HIF3A: variants seen among roughly 807,000 people sequenced by gnomAD.
HIF3A encodes the protein hypoxia-inducible factor 3-alpha.
Under a neutral mutation model 67.2 loss-of-function variants are expected in HIF3A, and 41 were observed. The ratio of observed to expected loss-of-function variants is 0.61; its 90% CI spans 0.48 to 0.79. The LOEUF (loss-of-function observed/expected upper bound fraction) is 0.79, where lower values mean the gene tolerates loss of function less well. Among genes scored for constraint, HIF3A ranks in the 30% least tolerant of loss-of-function variants. The pLI is 0.00. For missense variants in HIF3A, 855 were observed against 898.0 expected, an observed-to-expected ratio of 0.95 and a Z score of 0.61; for synonymous variants, 356 against 374.8, an observed-to-expected ratio of 0.95 and a Z score of 0.58.
chr19:46,338,124 T>G (rs1971759901), intron 14 of HIF3A: 1 of 447,706 alleles, frequency 2.2e-6, no homozygotes, highest in African/African-American at 2.0e-5. Context: ...GCAGGGAGAT[T>G]CATCCATCCT....
intron 5 of HIF3A, 96 bp from the exon 6 acceptor site, chr19:46,309,055 A>G: frequency 9.6e-7 from 1 of 1,041,766 alleles, no homozygotes; most frequent in Non-Finnish European, 1.4e-6. Flanking sequence ...TTGGAATCTC[A>G]GCTCCCTGAT....
intron 14 of HIF3A, among the ~76,000 whole-genome samples, chr19:46,338,040 G>T (rs1405462087): frequency 6.6e-6 from 1 of 152,210 alleles, no homozygotes; most frequent in African/African-American, 2.4e-5. Flanking sequence ...CTCGCACTGT[G>T]CCTAGCTTTG....
At position 46,312,063 on chromosome 19, in the gene HIF3A, T is replaced by C. The variant is rs376921977; in HGVS notation, c.771-98T>C. 83 of 870,446 alleles carry C rather than the reference T, an allele frequency of 9.5e-5. No individual in the cohort carries two copies. The African/African-American group carries it at 1.3e-3, about 13-fold the overall frequency. The allele number at this position is 870,446 out of a possible 1,614,324, so 53.9% of individuals were successfully genotyped here. On this transcript the variant is annotated intron_variant, in intron 6 of 14. Transcript: ENST00000377670. ...GTTACAATCCTTCTCGACATCTTGC[T>C]GGCTTTGTTCCTGTGTCCTCTGCTG...
chr19:46,329,976 AG>A (rs1413942252), intron 12 of HIF3A, among the ~76,000 whole-genome samples: 69 of 136,454 alleles, frequency 5.1e-4, no homozygotes, highest in African/African-American at 1.7e-3. Context: ...AAAAAAAAAA[AG>A]ATAGAGAGAG....
chr19:46,320,620 C>T (rs1970292304), intron 9 of HIF3A, 59 bp downstream of exon 9: 1 of 1,328,390 alleles, frequency 7.5e-7, no homozygotes, highest in Non-Finnish European at 1.1e-6. Context: ...GGGAGAAAGC[C>T]CAAGCACCTT....
At position 46,297,798 on chromosome 19, in the gene HIF3A, C is replaced by A. The variant is rs1490031076; in HGVS notation, c.26+696C>A. 6.6e-6 allele frequency among the ~76,000 whole-genome samples: 1 copy of A among 152,128 alleles called. No homozygotes were observed. The highest frequency in any genetic ancestry group is 1.5e-5 in the Non-Finnish European group (1 of 68,000). ...ATAACAGGGAAACAAGCTGGACCCA[C>A]TTCCCAAAGTCCAGCCCCTCATCTC... On this transcript the variant is annotated intron_variant, in intron 1 of 14. Coordinates refer to ENST00000377670, the MANE Select transcript of HIF3A (RefSeq NM_152795.4). The surrounding 1 kb of genome is among the most constrained non-coding windows in gnomAD (Gnocchi z 4.5).
intron 4 of HIF3A, 37 bp downstream of exon 4, chr19:46,308,342 A>G: frequency 7.4e-7 from 1 of 1,344,334 alleles, no homozygotes; most frequent in Non-Finnish European, 1.0e-6. Flanking sequence ...CACCATACAG[A>G]GGAGGAAGCT....
At chr19:46,322,083 G>C (rs1970413578) in intron 10 of HIF3A, 117 bp downstream of exon 10, 2 of 1,035,040 alleles carry the variant, frequency 1.9e-6, no homozygotes, top group South Asian at 1.7e-5. Flanking sequence ...TCTGTGTAGT[G>C]GGGAGGTTGG....
intron 12 of HIF3A, among the ~76,000 whole-genome samples, chr19:46,329,830 G>A (rs1459798244): frequency 1.3e-5 from 2 of 151,934 alleles, no homozygotes; most frequent in Non-Finnish European, 2.9e-5. Flanking sequence ...GTGTGGTGGT[G>A]CATGCCTGTA....
chr19:46,314,434 G>C (rs2311057), intron 8 of HIF3A, among the ~76,000 whole-genome samples: 124,589 of 146,148 alleles, frequency 0.85, 55,251 homozygotes, highest in Non-Finnish European at 0.92. Flanking sequence ...AGTAAATTCT[G>C]TTTATGGTAC....
At position 46,316,193 on chromosome 19, in the gene HIF3A, T is replaced by C. The variant is rs146682179; in HGVS notation, c.1025+3540T>C. 5.6e-3 allele frequency among the ~76,000 whole-genome samples: 858 copies of C among 152,216 alleles called. 7 individuals carry two copies. The highest frequency in any genetic ancestry group is 0.02 in the Middle Eastern group (6 of 294). ...TTGCAGTGAGCTGAGATCAGGCCAC[T>C]GCACTCCAGCCTGGGCGACAGAAGG... On this transcript the variant is annotated intron_variant, in intron 8 of 14. Transcript: ENST00000377670.
Position 46,339,921 on chromosome 19 carries a change from T to G in HIF3A, c.*299T>G. 3.2e-6 allele frequency: 1 copy of G among 313,488 alleles called. No individual in the cohort carries two copies. 19.4% of individuals were successfully genotyped at this position (313,488 alleles called of 1,614,324 possible). A position where few individuals can be genotyped will look rare whatever the true frequency, so the allele number is the denominator to read the frequency against. The stretch of plus-strand genomic sequence containing the variant: ...TTGGTTACCTCATTATCCCTTTCTC[T>G]GCCTCTCTTGGCTTTATTTTGGGGA... On this transcript the variant is annotated 3_prime_UTR_variant, in exon 15 of 15. Coordinates refer to ENST00000377670, the MANE Select transcript of HIF3A (RefSeq NM_152795.4).
chr19:46,308,150 G>A lies in HIF3A; in HGVS notation c.364-71G>A, dbSNP rs1195676172. On this transcript the variant is annotated intron_variant, in intron 3 of 14. Coordinates refer to ENST00000377670, the MANE Select transcript of HIF3A (RefSeq NM_152795.4). ...CATCCAGGCTCATGAATTGGAGCAG[G>A]GGAATGAGGATGGGATGGAGGAGAT... 9.6e-6 allele frequency: 9 copies of A among 938,392 alleles called. No individual in the cohort carries two copies. The Admixed American group carries it at 1.0e-4, about 11-fold the overall frequency. The allele number at this position is 938,392 out of a possible 1,614,324, so 58.1% of individuals were successfully genotyped here. A position where few individuals can be genotyped will look rare whatever the true frequency, so the allele number is the denominator to read the frequency against.
At chr19:46,317,521 C>T (rs1970013802) in intron 8 of HIF3A, among the ~76,000 whole-genome samples, 1 of 152,122 alleles carries the variant, frequency 6.6e-6, no homozygotes, top group African/African-American at 2.4e-5. Context: ...GGCCTTTGCA[C>T]AGGCAGTTCC....
rs371192119 is a variant in HIF3A at position 46,297,131 on chromosome 19, G to A, written c.26+29G>A. On this transcript the variant is annotated intron_variant, in intron 1 of 14. Coordinates refer to ENST00000377670, the MANE Select transcript of HIF3A (RefSeq NM_152795.4). The surrounding 1 kb of genome is among the most constrained non-coding windows in gnomAD (Gnocchi z 4.5). ...CTGAAGTTCGGGGGCAGGAGTTCTGGGAATTGGGGGGCTCTCCTCCTGGAG... is the reference window on the plus strand; with the variant it reads ...CTGAAGTTCGGGGGCAGGAGTTCTGAGAATTGGGGGGCTCTCCTCCTGGAG... The A allele has an allele frequency of 1.5e-3, 1,834 of 1,225,722 alleles. 1 individual carries two copies. Among genetic ancestry groups the A allele is most frequent in the Non-Finnish European group, 1.6e-3 (1,493 of 947,174 alleles). The allele number at this position is 1,225,722 out of a possible 1,614,324, so 75.9% of individuals were successfully genotyped here.
chr19:46,331,004 AT>A lies in HIF3A; in HGVS notation c.1713-150del, dbSNP rs796806580. ...GATCATTGGATGAATGAGAAGATGG[AT>A]TGGTGGATGGATGGATGGACTGGTG... On this transcript the variant is annotated intron_variant, in intron 12 of 14. Transcript: ENST00000377670. 5.9e-5 allele frequency: 30 copies of A among 511,612 alleles called. No homozygotes were observed. In the East Asian group the frequency reaches 7.6e-4, roughly 13 times the overall value. 31.7% of individuals were successfully genotyped at this position (511,612 alleles called of 1,614,324 possible).
intron 8 of HIF3A, among the ~76,000 whole-genome samples, chr19:46,318,613 AT>A (rs1019019035): frequency 6.0e-4 from 88 of 147,098 alleles, no homozygotes; most frequent in African/African-American, 2.1e-3. Context: ...TTTAAATTTC[AT>A]TTTATTTATT....
chr19:46,328,478 A>G (rs1275410696), intron 11 of HIF3A, among the ~76,000 whole-genome samples: 1 of 152,210 alleles, frequency 6.6e-6, no homozygotes, highest in Non-Finnish European at 1.5e-5. Flanking sequence ...TATAAGTAAC[A>G]AGATGAAATC....
At chr19:46,312,732 T>TGTGTGTGC (rs1969557238) in intron 8 of HIF3A, 79 bp downstream of exon 8, 62 of 1,506,946 alleles carry the variant, frequency 4.1e-5, no homozygotes, top group Non-Finnish European at 5.4e-5. Context: ...TGTGTGTGTG[T>TGTGTGTGC]GTGTGCGTAT....
Sources: gnomAD v4.1 joint callset for allele counts (sites outside exome capture counted in the v4.1 genomes callset) on GRCh38, gnomAD v4.1.1 for gene constraint, Gnocchi (gnomAD v3.1) non-coding constraint, MANE v1.5 for transcripts, NCBI Gene and HGNC (gene_info 2026-07-23, HGNC 2026-07-21) for gene names.